Variants in RNF150 observed in about 807,000 individuals in gnomAD.
RNF150 encodes ring finger protein 150.
Under a neutral mutation model 39.3 loss-of-function variants are expected in RNF150, and 24 were observed. The ratio of observed to expected loss-of-function variants is 0.61; its 90% CI spans 0.44 to 0.86. The LOEUF (loss-of-function observed/expected upper bound fraction) is 0.86, where lower values mean the gene tolerates loss of function less well. RNF150 is among the 40% of genes least tolerant of loss of function. RNF150 has a pLI of 0.00. For synonymous variants in RNF150, 255 were observed against 227.3 expected (o/e 1.12, Z -1.10); for missense variants, 502 against 587.8 (o/e 0.85, Z 1.51).
At chr4:141,072,556 G>A (rs1737746689) in intron 1 of RNF150, among the ~76,000 whole-genome samples, 1 of 152,182 alleles carries the variant, frequency 6.6e-6, no homozygotes, top group Non-Finnish European at 1.5e-5. Context: ...TAATTGTATA[G>A]TAGCAAGTGA....
intron 1 of RNF150, among the ~76,000 whole-genome samples, chr4:141,203,990 C>G (rs1429044251): frequency 6.6e-6 from 1 of 152,072 alleles, no homozygotes; most frequent in Non-Finnish European, 1.5e-5. Context: ...AAATCCAAGC[C>G]AGGGTAACAC....
intron 4 of RNF150, among the ~76,000 whole-genome samples, chr4:140,942,684 T>C (rs1309631728): frequency 6.6e-6 from 1 of 152,196 alleles, no homozygotes; most frequent in African/African-American, 2.4e-5. Context: ...CTAATCCAAA[T>C]AGCCAAAATT....
At chr4:141,128,199 A>G (rs937563705) in intron 1 of RNF150, among the ~76,000 whole-genome samples, 5 of 152,178 alleles carry the variant, frequency 3.3e-5, no homozygotes, top group African/African-American at 7.2e-5. Context: ...ACTGGGTCCA[A>G]TGCTTAGAAG....
intron 6 of RNF150, among the ~76,000 whole-genome samples, chr4:140,881,775 G>A (rs188384732): frequency 6.6e-6 from 1 of 152,232 alleles, no homozygotes; most frequent in East Asian, 1.9e-4. Flanking sequence ...CAGCTACTCA[G>A]GAGGTTGAGG....
At chr4:141,007,421 C>T (rs1734914012) in intron 1 of RNF150, among the ~76,000 whole-genome samples, 1 of 152,138 alleles carries the variant, frequency 6.6e-6, no homozygotes, top group Non-Finnish European at 1.5e-5. Flanking sequence ...TGAAACTCAT[C>T]TTCTTTCTAT....
At chr4:141,205,044 A>G (rs1728352928) in intron 1 of RNF150, among the ~76,000 whole-genome samples, 1 of 152,226 alleles carries the variant, frequency 6.6e-6, no homozygotes, top group South Asian at 2.1e-4. Context: ...TCTTACATCA[A>G]ATAAATATTG....
At chr4:141,103,947 T>C (rs778942267) in intron 1 of RNF150, among the ~76,000 whole-genome samples, 4 of 152,194 alleles carry the variant, frequency 2.6e-5, no homozygotes, top group Non-Finnish European at 5.9e-5. Context: ...AAGACAGTAA[T>C]ATTGCAGGAG....
Position 141,203,076 on chromosome 4 carries a change from T to TATATATAC in RNF150, c.-6+9717_-6+9718insGTATATAT, listed in dbSNP as rs369790675. Among the ~76,000 whole-genome samples the TATATATAC allele has an allele frequency of 6.7e-3, 886 of 133,006 alleles. 42 individuals are homozygous for TATATATAC. The highest frequency in any genetic ancestry group is 0.024 in the African/African-American group (803 of 33,244). The allele number at this position is 133,006 out of a possible 152,430, so 87.3% of individuals were successfully genotyped here. On this transcript the variant is annotated intron_variant, in intron 1 of 7. Transcript: ENST00000420921. ...GAGATTTTATATATATATATATATA[T>TATATATAC]ACACACATATATGAGATATATAATC...
chr4:141,052,912 T>C (rs563149879), intron 1 of RNF150, among the ~76,000 whole-genome samples: 1 of 152,282 alleles, frequency 6.6e-6, no homozygotes, highest in East Asian at 1.9e-4. Context: ...CCTGTGGCAA[T>C]TTCCACCATT....
chr4:141,168,960 C>G (rs912691861), intron 1 of RNF150, among the ~76,000 whole-genome samples: 1 of 151,936 alleles, frequency 6.6e-6, no homozygotes, highest in African/African-American at 2.4e-5. Context: ...TTTTAAAAAG[C>G]CTTTGGGGGA....
intron 1 of RNF150, among the ~76,000 whole-genome samples, chr4:141,102,087 C>T (rs1431823029): frequency 6.6e-6 from 1 of 152,028 alleles, no homozygotes; most frequent in Non-Finnish European, 1.5e-5. Context: ...CAGCCAGCTC[C>T]GTTATAATCT....
intron 1 of RNF150, among the ~76,000 whole-genome samples, chr4:141,024,886 C>G (rs996114022): frequency 6.6e-6 from 1 of 152,180 alleles, no homozygotes; most frequent in African/African-American, 2.4e-5. Flanking sequence ...ACAAGAATCT[C>G]TATCTCCATG....
At chr4:140,887,620 T>C (rs962482503) in intron 6 of RNF150, among the ~76,000 whole-genome samples, 1 of 152,168 alleles carries the variant, frequency 6.6e-6, no homozygotes, top group Admixed American at 6.5e-5. Flanking sequence ...GCCTTATCCC[T>C]ACTGCTTGTA....
At chr4:140,978,614 A>C (rs961486555) in intron 1 of RNF150, among the ~76,000 whole-genome samples, 1 of 152,150 alleles carries the variant, frequency 6.6e-6, no homozygotes, top group Non-Finnish European at 1.5e-5. Context: ...AGTGATGAAT[A>C]CAGAATTATT....
chr4:141,000,010 A>C lies in RNF150; in HGVS notation c.485-32137T>G, dbSNP rs1439546540. Among the ~76,000 whole-genome samples the C allele has an allele frequency of 6.7e-4, 25 of 37,376 alleles. 1 individual carries two copies. The East Asian group carries it at 0.014, about 21-fold the overall frequency. The allele number at this position is 37,376 out of a possible 152,430, so 24.5% of individuals were successfully genotyped here. A position where few individuals can be genotyped will look rare whatever the true frequency, so the allele number is the denominator to read the frequency against. On this transcript the variant is annotated intron_variant, in intron 1 of 6. Coordinates refer to ENST00000515673, the MANE Select transcript of RNF150 (RefSeq NM_020724.2). ...AAAGAAGAAAAGAAGAAGAAGAAGA[A>C]GAAGAAGAAGAAGAAGAAGAAGAAG...
intron 2 of RNF150, among the ~76,000 whole-genome samples, chr4:140,949,861 T>C (rs1049285478): frequency 6.6e-6 from 1 of 152,210 alleles, no homozygotes; most frequent in African/African-American, 2.4e-5. Flanking sequence ...ATTTGGTCTG[T>C]TCTGTCCTAT....
chr4:140,880,872 T>C (rs1729348561), intron 6 of RNF150, among the ~76,000 whole-genome samples: 3 of 152,106 alleles, frequency 2.0e-5, no homozygotes, highest in Non-Finnish European at 4.4e-5. Context: ...GTCTCCTCTT[T>C]AATGTCTAAC....
At chr4:140,917,108 TC>T (rs1730866696) in intron 5 of RNF150, among the ~76,000 whole-genome samples, 1 of 152,130 alleles carries the variant, frequency 6.6e-6, no homozygotes. Flanking sequence ...GTAAAGACCA[TC>T]AAGGCTAGGA....
chr4:140,873,434 G>T (rs532989317), intron 6 of RNF150, among the ~76,000 whole-genome samples: 18 of 152,044 alleles, frequency 1.2e-4, no homozygotes, highest in Admixed American at 3.9e-4. Flanking sequence ...CCTGAAAATT[G>T]CCCCCAAAGA....
Sources: allele counts gnomAD v4.1 joint callset (sites outside exome capture counted in the v4.1 genomes callset), GRCh38; gene constraint gnomAD v4.1.1; transcripts MANE v1.5; gene names NCBI Gene and HGNC (gene_info 2026-07-23, HGNC 2026-07-21).